RANBP9: variants seen among roughly 807,000 people sequenced by gnomAD.
RANBP9 encodes RAN binding protein 9, also known as ran-binding protein 9.
Under a neutral mutation model 84.3 loss-of-function variants are expected in RANBP9, and 15 were observed. That is an observed-to-expected ratio of 0.18 (90% CI 0.12 to 0.27). RANBP9 has a LOEUF of 0.27. Among genes scored for constraint, RANBP9 ranks in the 10% least tolerant of loss-of-function variants. The pLI is 1.00. For synonymous variants in RANBP9, 392 were observed against 349.6 expected (o/e 1.12, Z -1.35); for missense variants, 809 against 912.8 (o/e 0.89, Z 1.46).
intron 2 of RANBP9, among the ~76,000 whole-genome samples, chr6:13,660,707 T>C (rs1343259223): frequency 6.6e-6 from 1 of 152,158 alleles, no homozygotes; most frequent in African/African-American, 2.4e-5. Flanking sequence ...TTTTCCCTAC[T>C]AGAAATTAAA....
rs879530956 is a variant in RANBP9, at chr6:13,659,261, C to T, written c.684-429G>A. Among the ~76,000 whole-genome samples the T allele has an allele frequency of 1.6e-3, 141 of 86,278 alleles. 1 individual carries two copies. The highest frequency in any genetic ancestry group is 1.9e-3 in the Non-Finnish European group (79 of 41,616). The allele number at this position is 86,278 out of a possible 152,430, so 56.6% of individuals were successfully genotyped here. On this transcript the variant is annotated intron_variant, in intron 2 of 13. Transcript: ENST00000011619. ...TAGACCCCACACACACACACATACACACACACACACACACACACACACACA... is the reference window on the plus strand; with the variant it reads ...TAGACCCCACACACACACACATACATACACACACACACACACACACACACA...
At chr6:13,696,921 A>C in intron 1 of RANBP9, 25 bp from the exon 2 acceptor site, 5 of 1,557,992 alleles carry the variant, frequency 3.2e-6, no homozygotes, top group Non-Finnish European at 3.5e-6. Context: ...GAAGGAAAAA[A>C]GAAGTCACAT....
In RANBP9 at chr6:13,664,970, T is replaced by C. The variant is rs577577522; in HGVS notation, c.684-6138A>G. ...CTAACAAAGAGACCCACATTTATAGTCATTTAATATTTTACAAAAGTGCCT... is the reference window on the plus strand; with the variant it reads ...CTAACAAAGAGACCCACATTTATAGCCATTTAATATTTTACAAAAGTGCCT... On this transcript the variant is annotated intron_variant, in intron 2 of 13. Coordinates refer to ENST00000011619, the MANE Select transcript of RANBP9 (RefSeq NM_005493.3). 4.6e-5 allele frequency among the ~76,000 whole-genome samples: 7 copies of C among 152,228 alleles called. No individual in the cohort carries two copies. The East Asian group carries it at 1.3e-3, about 29-fold the overall frequency.
chr6:13,683,802 T>G (rs1018843475), intron 2 of RANBP9, among the ~76,000 whole-genome samples: 1 of 152,158 alleles, frequency 6.6e-6, no homozygotes, highest in Non-Finnish European at 1.5e-5. Flanking sequence ...CTATACTTGT[T>G]AAGTATAAAA....
chr6:13,631,883 G>A (rs1764792544), intron 12 of RANBP9, among the ~76,000 whole-genome samples: 1 of 152,130 alleles, frequency 6.6e-6, no homozygotes, highest in Non-Finnish European at 1.5e-5. Flanking sequence ...TTCTGGCCAT[G>A]AAAAGTGACC....
At chr6:13,631,459 A>G (rs1012980623) in intron 12 of RANBP9, among the ~76,000 whole-genome samples, 3 of 152,194 alleles carry the variant, frequency 2.0e-5, no homozygotes, top group African/African-American at 7.2e-5. Flanking sequence ...CAATGAGCAT[A>G]TCCTTGTGTA....
Position 13,711,530 on chromosome 6 carries a change from C to T in RANBP9, c.-25G>A, listed in dbSNP as rs754534752. 2 of 1,243,450 alleles carry T rather than the reference C, an allele frequency of 1.6e-6. No homozygotes were observed. Among genetic ancestry groups the T allele is most frequent in the Admixed American group, 6.5e-5 (2 of 30,770 alleles). The allele number at this position is 1,243,450 out of a possible 1,614,324, so 77.0% of individuals were successfully genotyped here. ...TCCCGGCCGCGACTCAGCCTGCGGCCACCTCCACCTCTTCTCTCCTTCCTC... is the reference window on the plus strand; with the variant it reads ...TCCCGGCCGCGACTCAGCCTGCGGCTACCTCCACCTCTTCTCTCCTTCCTC... On this transcript the variant is annotated 5_prime_UTR_variant, in exon 1 of 14. Transcript: ENST00000011619.
intron 1 of RANBP9, among the ~76,000 whole-genome samples, chr6:13,708,249 C>G (rs990838822): frequency 2.0e-5 from 3 of 151,932 alleles, no homozygotes; most frequent in African/African-American, 7.3e-5. Flanking sequence ...CAGTAAGACC[C>G]CATCTCCACA....
At chr6:13,644,132 G>A (rs1765127245) in intron 6 of RANBP9, among the ~76,000 whole-genome samples, 1 of 152,124 alleles carries the variant, frequency 6.6e-6, no homozygotes, top group Admixed American at 6.5e-5. Flanking sequence ...ACATAGCCAA[G>A]TTCATGACCA....
At chr6:13,633,505 T>A (rs2127762208) in intron 11 of RANBP9, among the ~76,000 whole-genome samples, 1 of 152,336 alleles carries the variant, frequency 6.6e-6, no homozygotes, top group East Asian at 1.9e-4. Flanking sequence ...ATGAGGTCGT[T>A]ATTATACCCA....
chr6:13,633,285 C>T (rs901058511), intron 11 of RANBP9, among the ~76,000 whole-genome samples: 3 of 152,152 alleles, frequency 2.0e-5, no homozygotes, highest in Non-Finnish European at 2.9e-5. Context: ...CCGCCCACCT[C>T]GGCCTCCCAA....
intron 5 of RANBP9, among the ~76,000 whole-genome samples, chr6:13,647,648 T>C (rs1193237866): frequency 6.6e-6 from 1 of 152,146 alleles, no homozygotes; most frequent in Non-Finnish European, 1.5e-5. Context: ...ACAAACATTA[T>C]AGCCAAAGAG....
chr6:13,666,668 C>T (rs1311572510), intron 2 of RANBP9, among the ~76,000 whole-genome samples: 3 of 145,232 alleles, frequency 2.1e-5, no homozygotes, highest in Non-Finnish European at 4.5e-5. Context: ...CCCAGCTACT[C>T]GGGAGGATCA....
intron 1 of RANBP9, among the ~76,000 whole-genome samples, chr6:13,708,403 C>G (rs1011883929): frequency 6.6e-6 from 1 of 152,138 alleles, no homozygotes; most frequent in East Asian, 1.9e-4. Context: ...TCCATCAAGG[C>G]AACAAAGTTG....
intron 2 of RANBP9, among the ~76,000 whole-genome samples, chr6:13,689,587 A>G (rs147102992): frequency 3.6e-4 from 55 of 152,154 alleles, no homozygotes; most frequent in Admixed American, 6.5e-4. Flanking sequence ...TCTTACTTTT[A>G]TAACTCTTCC....
chr6:13,670,100 C>T (rs1306662580), intron 2 of RANBP9, among the ~76,000 whole-genome samples: 2 of 151,976 alleles, frequency 1.3e-5, no homozygotes, highest in Non-Finnish European at 2.9e-5. Context: ...CAAGACCAGC[C>T]TAGCCGACAT....
chr6:13,685,884 TTGCACCAC>T (rs1166846568), intron 2 of RANBP9, among the ~76,000 whole-genome samples: 4 of 149,492 alleles, frequency 2.7e-5, no homozygotes, highest in African/African-American at 9.9e-5. Flanking sequence ...TAAGCCGAAA[TTGCACCAC>T]TGCACTCCAG....
In RANBP9 at chr6:13,639,588, G is replaced by T; in HGVS notation, c.1500C>A (p.Gly500=). ...CTGAAAAATGTGCGGTGCTTCCTTT[G>T]CCTGATGCTAAATTGTGGATATTCA... ...HGMNIHNLAS[G]KGSTAHFSGF... The change falls in exon 9 of 14, where the codon GGC becomes GGA. Residue 500 remains glycine, a synonymous_variant. Transcript: ENST00000011619. The T allele has an allele frequency of 6.2e-7, 1 of 1,611,230 alleles. No individual in the cohort carries two copies.
intron 12 of RANBP9, among the ~76,000 whole-genome samples, chr6:13,630,131 T>C (rs1764737603): frequency 6.6e-6 from 1 of 152,160 alleles, no homozygotes; most frequent in Non-Finnish European, 1.5e-5. Flanking sequence ...TACTTATATA[T>C]AAGGTGGGTC....
Sources: gnomAD v4.1 joint callset for allele counts (sites outside exome capture counted in the v4.1 genomes callset) on GRCh38, gnomAD v4.1.1 for gene constraint, MANE v1.5 for transcripts, NCBI Gene and HGNC (gene_info 2026-07-23, HGNC 2026-07-21) for gene names.